Variants in TENM3 observed in about 807,000 individuals in gnomAD.
The protein encoded by TENM3 is teneurin-3.
TENM3 carries 63 observed loss-of-function variants against 255.1 expected under a neutral mutation model. That is an observed-to-expected ratio of 0.25 (90% CI 0.20 to 0.30). The LOEUF is 0.30. Ranked by LOEUF, TENM3 falls within the 10% of genes least tolerant of loss-of-function variation. TENM3 has a pLI of 1.00. For synonymous variants in TENM3, 1,306 were observed against 1,322.3 expected (o/e 0.99, Z 0.27); for missense variants, 2,929 against 3,461.1 (o/e 0.85, Z 3.86).
At chr4:182,103,920 AT>A in the TENM3 span, among the ~76,000 whole-genome samples, 2 of 152,138 alleles carry the variant, frequency 1.3e-5, no homozygotes, top group African/African-American at 4.8e-5. Context: ...TGTTCTTTGT[AT>A]TTGCAGATAT....
intron 1 of TENM3, among the ~76,000 whole-genome samples, chr4:182,258,488 C>A (rs954682452): frequency 6.6e-6 from 1 of 152,032 alleles, no homozygotes; most frequent in South Asian, 2.1e-4. Context: ...TGACCACCTA[C>A]TTTAAATTGC....
At chr4:182,735,845 G>A (rs1317398171) in intron 16 of TENM3, among the ~76,000 whole-genome samples, 1 of 151,978 alleles carries the variant, frequency 6.6e-6, no homozygotes, top group East Asian at 1.9e-4. Context: ...GTAATGTTTT[G>A]GCATAATGTA....
chr4:181,657,567 C>A, the TENM3 span, among the ~76,000 whole-genome samples: 1 of 152,130 alleles, frequency 6.6e-6, no homozygotes, highest in African/African-American at 2.4e-5. Flanking sequence ...TCGGCCACTG[C>A]AGAAAGCACT....
the TENM3 span, among the ~76,000 whole-genome samples, chr4:181,958,635 G>T: frequency 1.3e-5 from 2 of 152,102 alleles, no homozygotes; most frequent in Non-Finnish European, 2.9e-5. Flanking sequence ...CTGCTTCACA[G>T]AATGTCTCCC....
chr4:182,011,181 G>A, the TENM3 span, among the ~76,000 whole-genome samples: 343 of 152,272 alleles, frequency 2.3e-3, 1 homozygote, highest in African/African-American at 7.8e-3. Flanking sequence ...ACACTTGAAA[G>A]TGTCCACTCA....
At chr4:181,872,383 G>A in the TENM3 span, among the ~76,000 whole-genome samples, 1 of 151,552 alleles carries the variant, frequency 6.6e-6, no homozygotes, top group African/African-American at 2.4e-5. Context: ...GTAAACTTGT[G>A]TCATGAGGGT....
chr4:182,463,333 G>A (rs998700003), intron 3 of TENM3, among the ~76,000 whole-genome samples: 3 of 152,120 alleles, frequency 2.0e-5, no homozygotes, highest in Non-Finnish European at 2.9e-5. Flanking sequence ...GAACTATTGT[G>A]TGAAACCACT....
the TENM3 span, among the ~76,000 whole-genome samples, chr4:181,605,530 GAAA>G: frequency 5.0e-5 from 1 of 19,950 alleles, no homozygotes; most frequent in African/African-American, 1.1e-4. Flanking sequence ...AAGAAAGAAA[GAAA>G]GAAAGAAAGA....
At chr4:181,668,634 C>G in the TENM3 span, among the ~76,000 whole-genome samples, 3 of 152,244 alleles carry the variant, frequency 2.0e-5, no homozygotes, top group Admixed American at 2.0e-4. Flanking sequence ...GAATGTTGTA[C>G]TAGGGACCCA....
At chr4:181,719,123 G>A in the TENM3 span, among the ~76,000 whole-genome samples, 5 of 151,798 alleles carry the variant, frequency 3.3e-5, no homozygotes, top group African/African-American at 9.6e-5. Flanking sequence ...GGAGAATGGC[G>A]TGAACCCGGG....
In TENM3 at chr4:182,235,109, C is replaced by G. The variant is rs192072588; in HGVS notation, c.-75-88837C>G. On this transcript the variant is annotated intron_variant, in intron 1 of 2. Transcript: ENST00000512480. ...GTATTCCCCCACTCTGCCCCGCCAT[C>G]TTTGGACCTCACTGGAAGCCAGTGG... Among the ~76,000 whole-genome samples the G allele has an allele frequency of 3.9e-5, 6 of 152,290 alleles. No individual in the cohort carries two copies. In the East Asian group the frequency reaches 1.2e-3, roughly 29 times the overall value.
At chr4:182,338,646 C>T (rs1479758458) in intron 2 of TENM3, among the ~76,000 whole-genome samples, 1 of 152,032 alleles carries the variant, frequency 6.6e-6, no homozygotes, top group Non-Finnish European at 1.5e-5. Flanking sequence ...TCACTGGTAG[C>T]ATTGGACAGA....
At chr4:181,656,212 G>A in the TENM3 span, among the ~76,000 whole-genome samples, 3 of 152,150 alleles carry the variant, frequency 2.0e-5, no homozygotes, top group Admixed American at 2.0e-4. Context: ...TGCAGAGGAA[G>A]ATGGGAAATG....
the TENM3 span, among the ~76,000 whole-genome samples, chr4:182,035,263 A>C: frequency 6.6e-6 from 1 of 152,346 alleles, no homozygotes; most frequent in Admixed American, 6.5e-5. Context: ...GCTTCTTGAC[A>C]TGCCAGTGAA....
chr4:181,626,162 G>A, the TENM3 span, among the ~76,000 whole-genome samples: 2 of 152,144 alleles, frequency 1.3e-5, no homozygotes, highest in Non-Finnish European at 2.9e-5. Context: ...GATCAGGAGG[G>A]CGGAGCAAGA....
intron 2 of TENM3, among the ~76,000 whole-genome samples, chr4:182,334,225 G>A (rs962129648): frequency 2.6e-5 from 4 of 152,014 alleles, no homozygotes; most frequent in Non-Finnish European, 5.9e-5. Flanking sequence ...AATAAATTTT[G>A]CAAGCATGCT....
chr4:182,096,603 C>T, the TENM3 span, among the ~76,000 whole-genome samples: 4 of 152,220 alleles, frequency 2.6e-5, no homozygotes, highest in Admixed American at 6.5e-5. Context: ...TCAGATATTG[C>T]GCATCCTTTA....
chr4:182,417,541 TA>T (rs1770479418), intron 3 of TENM3, among the ~76,000 whole-genome samples: 1 of 152,062 alleles, frequency 6.6e-6, no homozygotes, highest in African/African-American at 2.4e-5. Flanking sequence ...AGGATAATGA[TA>T]GAAAAAAATT....
At chr4:181,924,088 C>T in the TENM3 span, among the ~76,000 whole-genome samples, 1 of 152,134 alleles carries the variant, frequency 6.6e-6, no homozygotes, top group Non-Finnish European at 1.5e-5. Context: ...GTCATGTTTG[C>T]AGAGCAACCT....
Sources: gnomAD v4.1 joint callset for allele counts (sites outside exome capture counted in the v4.1 genomes callset) on GRCh38, gnomAD v4.1.1 for gene constraint, MANE v1.5 for transcripts, NCBI Gene and HGNC (gene_info 2026-07-23, HGNC 2026-07-21) for gene names.